TUSC3: variants seen among roughly 807,000 people sequenced by gnomAD.
TUSC3 encodes tumor suppressor candidate 3, also known as dolichyl-diphosphooligosaccharide--protein glycosyltransferase subunit TUSC3.
TUSC3 carries 45 observed loss-of-function variants against 44.8 expected under a neutral mutation model. That is an observed-to-expected ratio of 1.00 (90% CI 0.79 to 1.29). TUSC3 has a LOEUF of 1.29. Ranked by LOEUF, TUSC3 falls within the 50% of genes most tolerant of loss-of-function variation. The pLI is 0.00. For synonymous variants in TUSC3, 212 were observed against 152.9 expected, an observed-to-expected ratio of 1.39 and a Z score of -2.85; for missense variants, 519 against 437.9, an observed-to-expected ratio of 1.19 and a Z score of -1.65.
At chr8:15,721,935 A>G (rs1308165590) in intron 6 of TUSC3, among the ~76,000 whole-genome samples, 2 of 151,934 alleles carry the variant, frequency 1.3e-5, no homozygotes, top group Non-Finnish European at 2.9e-5. Flanking sequence ...GTATACTACT[A>G]TCCTAATAGT....
At chr8:15,584,115 TTTAA>T in intron 1 of TUSC3, among the ~76,000 whole-genome samples, 1 of 152,322 alleles carries the variant, frequency 6.6e-6, no homozygotes, top group African/African-American at 2.4e-5. Flanking sequence ...TATTTAGATG[TTTAA>T]TTGATGTTAA....
chr8:15,748,992 C>T lies in TUSC3; in HGVS notation c.1028+527C>T, dbSNP rs141957191. ...ACAAATATATTGAAAATTCAAAGGCCGCATTATTATTACCAAACTATAGTT... is the reference window on the plus strand; with the variant it reads ...ACAAATATATTGAAAATTCAAAGGCTGCATTATTATTACCAAACTATAGTT... On this transcript the variant is annotated intron_variant, in intron 9 of 10. Coordinates refer to ENST00000503731, the MANE Select transcript of TUSC3 (RefSeq NM_006765.4). The T allele has an allele frequency of 2.2e-3, 755 of 344,346 alleles. 5 individuals carry two copies. Among genetic ancestry groups the T allele is most frequent in the African/African-American group, 0.015 (697 of 46,466 alleles). 21.3% of individuals were successfully genotyped at this position (344,346 alleles called of 1,614,324 possible).
At chr8:15,634,481 C>T (rs1021043533) in intron 2 of TUSC3, among the ~76,000 whole-genome samples, 1 of 152,168 alleles carries the variant, frequency 6.6e-6, no homozygotes, top group East Asian at 1.9e-4. Flanking sequence ...AGAGAAAGGG[C>T]AATTGATATT....
intron 6 of TUSC3, among the ~76,000 whole-genome samples, chr8:15,723,720 T>C (rs140346683): frequency 1.9e-4 from 29 of 152,272 alleles, no homozygotes; most frequent in African/African-American, 6.7e-4. Context: ...GGATTTAAGC[T>C]TATTTTGTGC....
At chr8:15,423,730 G>T (rs1024499127) in intron 1 of TUSC3, among the ~76,000 whole-genome samples, 1 of 152,102 alleles carries the variant, frequency 6.6e-6, no homozygotes, top group Non-Finnish European at 1.5e-5. Context: ...GGACAAGTCA[G>T]AGGTTTACCT....
At chr8:15,637,953 C>G (rs751660062) in intron 2 of TUSC3, among the ~76,000 whole-genome samples, 3 of 152,146 alleles carry the variant, frequency 2.0e-5, no homozygotes, top group Non-Finnish European at 4.4e-5. Context: ...TATCACCAAC[C>G]CACTAATGCA....
intron 2 of TUSC3, among the ~76,000 whole-genome samples, chr8:15,485,026 C>T (rs1231235001): frequency 1.3e-5 from 2 of 152,132 alleles, no homozygotes; most frequent in African/African-American, 4.8e-5. Context: ...GAATTGTCAT[C>T]CTCTGCCCTA....
chr8:15,593,849 G>T (rs1191939933), intron 1 of TUSC3, among the ~76,000 whole-genome samples: 3 of 151,790 alleles, frequency 2.0e-5, no homozygotes, highest in Non-Finnish European at 4.4e-5. Context: ...CATTTTAACT[G>T]CTGCCATCTC....
chr8:15,714,336 TTTG>T (rs1396569689), intron 6 of TUSC3, among the ~76,000 whole-genome samples: 1 of 152,170 alleles, frequency 6.6e-6, no homozygotes, highest in Non-Finnish European at 1.5e-5. Flanking sequence ...GAACCCCAAT[TTTG>T]TTGAAGTTAT....
At chr8:15,434,448 A>G (rs1449289901) in intron 1 of TUSC3, among the ~76,000 whole-genome samples, 2 of 152,054 alleles carry the variant, frequency 1.3e-5, no homozygotes, top group African/African-American at 4.8e-5. Context: ...ATGTCTTTCA[A>G]AGATGAAATC....
chr8:15,792,132 ACAC>A, the TUSC3 span, among the ~76,000 whole-genome samples: 1 of 152,012 alleles, frequency 6.6e-6, no homozygotes, highest in African/African-American at 2.4e-5. Flanking sequence ...ACACACACAC[ACAC>A]ACACACACAC....
chr8:15,683,283 T>C (rs1808497370), intron 6 of TUSC3, among the ~76,000 whole-genome samples: 1 of 152,202 alleles, frequency 6.6e-6, no homozygotes, highest in African/African-American at 2.4e-5. Flanking sequence ...GCACAATGAA[T>C]CATAGATTTG....
At chr8:15,764,091 T>G (rs970788685) in intron 10 of TUSC3, 112 bp from the exon 11 acceptor site, 2 of 1,111,530 alleles carry the variant, frequency 1.8e-6, no homozygotes, top group African/African-American at 3.2e-5. Flanking sequence ...TGAATACAAT[T>G]ATGACATTTT....
chr8:15,633,037 G>C (rs1805888232), intron 2 of TUSC3, among the ~76,000 whole-genome samples: 4 of 152,268 alleles, frequency 2.6e-5, no homozygotes, highest in African/African-American at 7.2e-5. Context: ...TACTGCTGAG[G>C]TAGTATTATT....
chr8:15,828,116 A>C, the TUSC3 span, among the ~76,000 whole-genome samples: 54 of 150,334 alleles, frequency 3.6e-4, no homozygotes, highest in African/African-American at 1.3e-3. Context: ...TGCCTCAGCC[A>C]CTCAAATAGC....
chr8:15,640,482 C>A (rs1040748310), intron 2 of TUSC3, among the ~76,000 whole-genome samples: 1 of 152,190 alleles, frequency 6.6e-6, no homozygotes, highest in Non-Finnish European at 1.5e-5. Flanking sequence ...AACACACAAC[C>A]TTTTAATAAT....
At chr8:15,627,464 G>C (rs1380073308) in intron 2 of TUSC3, among the ~76,000 whole-genome samples, 1 of 152,222 alleles carries the variant, frequency 6.6e-6, no homozygotes, top group Non-Finnish European at 1.5e-5. Flanking sequence ...AAGAACTTGG[G>C]ACCTGCCAAA....
At chr8:15,572,681 T>C (rs1802923018) in intron 1 of TUSC3, among the ~76,000 whole-genome samples, 1 of 152,152 alleles carries the variant, frequency 6.6e-6, no homozygotes, top group East Asian at 1.9e-4. Context: ...GTGAGAGACA[T>C]GTGACTCTGC....
intron 1 of TUSC3, among the ~76,000 whole-genome samples, chr8:15,613,245 A>G (rs1283107471): frequency 2.1e-5 from 3 of 140,184 alleles, no homozygotes; most frequent in Non-Finnish European, 4.6e-5. Context: ...TTTTTTTTTT[A>G]AGTAAATTTA....
Sources: gnomAD v4.1 joint callset for allele counts (sites outside exome capture counted in the v4.1 genomes callset) on GRCh38, gnomAD v4.1.1 for gene constraint, MANE v1.5 for transcripts, NCBI Gene and HGNC (gene_info 2026-07-23, HGNC 2026-07-21) for gene names.